LEMD1: variants seen among roughly 807,000 people sequenced by gnomAD.
LEMD1 encodes LEM domain containing 1.
Under a neutral mutation model 17.4 loss-of-function variants are expected in LEMD1, and 18 were observed. The ratio of observed to expected loss-of-function variants is 1.04; its 90% CI spans 0.72 to 1.54. The LOEUF (loss-of-function observed/expected upper bound fraction) is 1.54, where lower values mean the gene tolerates loss of function less well. Among genes scored for constraint, LEMD1 ranks in the 40% most tolerant of loss-of-function variants. The pLI is 0.00. For synonymous variants in LEMD1, 88 were observed against 77.8 expected, an observed-to-expected ratio of 1.13 and a Z score of -0.69; for missense variants, 195 against 210.4, an observed-to-expected ratio of 0.93 and a Z score of 0.45.
chr1:205,431,005 C>G (rs1021431206), intron 1 of LEMD1, among the ~76,000 whole-genome samples: 1 of 152,178 alleles, frequency 6.6e-6, no homozygotes, highest in African/African-American at 2.4e-5. Flanking sequence ...CTGCAGGATG[C>G]TCCCTAAAAT....
chr1:205,419,365 T>C lies in LEMD1; in HGVS notation c.83-13A>G, dbSNP rs187843226. 2.5e-6 allele frequency: 4 copies of C among 1,614,148 alleles called. No individual in the cohort carries two copies. Among genetic ancestry groups the C allele is most frequent in the African/African-American group, 1.3e-5 (1 of 75,056 alleles). ...TTTCTGGTGGAAGCTGAGGAAGAAT[T>C]TGGAGAACAAATTAAATTGTTCTGT... is the stretch of plus-strand genomic sequence containing the variant. On this transcript the variant is annotated splice_polypyrimidine_tract_variant and intron_variant, in intron 2 of 5. Transcript: ENST00000367153.
At chr1:205,417,703 T>C (rs562628044) in intron 3 of LEMD1, among the ~76,000 whole-genome samples, 1 of 152,108 alleles carries the variant, frequency 6.6e-6, no homozygotes, top group African/African-American at 2.4e-5. Context: ...GGGGAAAGCT[T>C]TCAGTATCTG....
At chr1:205,391,463 A>T (rs968394975) in intron 4 of LEMD1, among the ~76,000 whole-genome samples, 2 of 152,172 alleles carry the variant, frequency 1.3e-5, no homozygotes. Flanking sequence ...GGAAAAGCCA[A>T]AAGACAAGGA....
chr1:205,384,860 G>T (rs1663912521), intron 4 of LEMD1, among the ~76,000 whole-genome samples: 1 of 152,060 alleles, frequency 6.6e-6, no homozygotes, highest in Admixed American at 6.6e-5. Context: ...GATGTCAGAT[G>T]ATGTTGCTAA....
upstream of LEMD1, among the ~76,000 whole-genome samples, chr1:205,426,258 A>T (rs747267673): frequency 5.3e-5 from 8 of 152,334 alleles, no homozygotes; most frequent in Non-Finnish European, 7.3e-5. Flanking sequence ...TGAGTCCTGC[A>T]TACAGAGATT....
chr1:205,434,127 C>T (rs1666167510), intron 1 of LEMD1, among the ~76,000 whole-genome samples: 1 of 151,942 alleles, frequency 6.6e-6, no homozygotes, highest in Non-Finnish European at 1.5e-5. Flanking sequence ...CTGAAAATTC[C>T]CGTGTGTTCT....
Position 205,389,941 on chromosome 1 carries a change from G to A in LEMD1, c.271-5577C>T, listed in dbSNP as rs537894689. ...TGATAAAGCTTTTATTTAAAACGTT[G>A]TGTTCTCTTAACCCAAGTAATGATT... On this transcript the variant is annotated intron_variant, in intron 4 of 5. Coordinates refer to ENST00000367153, the MANE Select transcript of LEMD1 (RefSeq NM_001199050.2). 3.3e-5 allele frequency among the ~76,000 whole-genome samples: 5 copies of A among 152,246 alleles called. No individual in the cohort carries two copies. In the East Asian group the frequency reaches 9.6e-4, roughly 29 times the overall value.
At position 205,419,217 on chromosome 1, in the gene LEMD1, C is replaced by T. The variant is rs745679179; in HGVS notation, c.205+13G>A. The T allele has an allele frequency of 1.9e-6, 3 of 1,613,756 alleles. No homozygotes were observed. The highest frequency in any genetic ancestry group is 2.2e-5 in the East Asian group (1 of 44,868). On this transcript the variant is annotated intron_variant, in intron 3 of 5. Transcript: ENST00000367153. The stretch of plus-strand genomic sequence containing the variant: ...GCAAAGTTGCCATCTAGCAGTACAG[C>T]TTATGGCGGTACCTTCGCTGTCATC...
At chr1:205,447,207 G>C (rs143893447) in intron 1 of LEMD1, among the ~76,000 whole-genome samples, 1 of 152,192 alleles carries the variant, frequency 6.6e-6, no homozygotes, top group Non-Finnish European at 1.5e-5. Flanking sequence ...CCATATGAAC[G>C]TGGGCCAATT....
chr1:205,423,588 G>A (rs547308224), upstream of LEMD1, among the ~76,000 whole-genome samples: 6 of 152,212 alleles, frequency 3.9e-5, no homozygotes, highest in African/African-American at 1.2e-4. Flanking sequence ...TATGGGTTGC[G>A]CCCTATATTA....
chr1:205,382,006 T>G, intron 5 of LEMD1, 150 bp from the exon 6 acceptor site: 1 of 663,164 alleles, frequency 1.5e-6, no homozygotes, highest in Non-Finnish European at 2.6e-6. Context: ...GGCTAATTTC[T>G]TTTTTTTTCT....
intron 4 of LEMD1, among the ~76,000 whole-genome samples, chr1:205,408,719 C>T (rs750050825): frequency 2.0e-5 from 3 of 151,422 alleles, no homozygotes; most frequent in East Asian, 3.9e-4. Flanking sequence ...AGGCTAGTCT[C>T]GAACTCCTGG....
chr1:205,408,952 C>T (rs1473372877), intron 4 of LEMD1, among the ~76,000 whole-genome samples: 1 of 152,100 alleles, frequency 6.6e-6, no homozygotes, highest in Admixed American at 6.6e-5. Context: ...ATCCTCCCAC[C>T]TCAGCCTGTC....
At chr1:205,383,380 C>T (rs1217398125) in intron 5 of LEMD1, among the ~76,000 whole-genome samples, 2 of 152,298 alleles carry the variant, frequency 1.3e-5, no homozygotes, top group South Asian at 2.1e-4. Context: ...CAGGCATGAG[C>T]CACTGTGCCC....
At chr1:205,391,270 A>C (rs1478618705) in intron 4 of LEMD1, among the ~76,000 whole-genome samples, 1 of 152,056 alleles carries the variant, frequency 6.6e-6, no homozygotes, top group Non-Finnish European at 1.5e-5. Flanking sequence ...ACCTAAAACA[A>C]GCCTATGAAG....
chr1:205,384,747 G>C (rs1443909502), intron 4 of LEMD1, among the ~76,000 whole-genome samples: 2 of 152,154 alleles, frequency 1.3e-5, no homozygotes, highest in East Asian at 3.8e-4. Flanking sequence ...AACAAAGCAA[G>C]TTGACTATGA....
At chr1:205,445,848 AAG>A (rs1666380425) in intron 1 of LEMD1, among the ~76,000 whole-genome samples, 1 of 152,166 alleles carries the variant, frequency 6.6e-6, no homozygotes, top group African/African-American at 2.4e-5. Context: ...AAACTTTCGA[AAG>A]ATGGGGAGAG....
intron 1 of LEMD1, among the ~76,000 whole-genome samples, chr1:205,440,279 A>C (rs1666270789): frequency 6.6e-6 from 1 of 152,150 alleles, no homozygotes; most frequent in South Asian, 2.1e-4. Flanking sequence ...TGGAGGAAAC[A>C]CTGCTTTCTG....
chr1:205,391,677 T>TC (rs1365491038), intron 4 of LEMD1, among the ~76,000 whole-genome samples: 9 of 151,870 alleles, frequency 5.9e-5, no homozygotes, highest in African/African-American at 2.4e-5. Flanking sequence ...TAAGGAGGCA[T>TC]CCCCCGCCTC....
Sources: allele counts gnomAD v4.1 joint callset (sites outside exome capture counted in the v4.1 genomes callset), GRCh38; gene constraint gnomAD v4.1.1; transcripts MANE v1.5; gene names NCBI Gene and HGNC (gene_info 2026-07-23, HGNC 2026-07-21).